Variants in FAM162B observed in about 807,000 individuals in gnomAD.
The protein encoded by FAM162B is protein FAM162B.
Under a neutral mutation model 20.0 loss-of-function variants are expected in FAM162B, and 16 were observed. The ratio of observed to expected loss-of-function variants is 0.80; its 90% CI spans 0.54 to 1.21. The LOEUF (loss-of-function observed/expected upper bound fraction) is 1.21. Ranked by LOEUF, FAM162B falls within the 50% of genes most tolerant of loss-of-function variation. The pLI, the probability that FAM162B is intolerant of heterozygous loss-of-function variation, is 0.00. For synonymous variants in FAM162B, 83 were observed against 89.7 expected, an observed-to-expected ratio of 0.93 and a Z score of 0.42; for missense variants, 260 against 227.5, an observed-to-expected ratio of 1.14 and a Z score of -0.92.
intron 3 of FAM162B, among the ~76,000 whole-genome samples, chr6:116,761,716 G>A (rs1288660444): frequency 7.3e-6 from 1 of 137,086 alleles, no homozygotes; most frequent in Non-Finnish European, 1.6e-5. Context: ...ATATATACTT[G>A]TATATATACT....
chr6:116,764,691 C>CT (rs1383902118), intron 2 of FAM162B, among the ~76,000 whole-genome samples: 2 of 152,070 alleles, frequency 1.3e-5, no homozygotes, highest in Non-Finnish European at 2.9e-5. Context: ...TCCAGAGACC[C>CT]CCCCGCCACA....
chr6:116,765,188 T>A lies in FAM162B; in HGVS notation c.240A>T (p.Thr80=). The change falls in exon 2 of 4, where the codon ACA becomes ACT. Residue 80 remains threonine (T), a synonymous_variant. Coordinates refer to ENST00000368557, the MANE Select transcript of FAM162B (RefSeq NM_001085480.3). The stretch of plus-strand genomic sequence containing the variant: ...TCTCCTCCATCGATTTGAAACGCCC[T>A]GTCCACAGCAGGATTTTCTTGTCGA... ...SQFDKKILLW[T]GRFKSMEEIP... is the part of the protein sequence containing the mutation. 1 of 1,613,930 alleles carries A rather than the reference T, an allele frequency of 6.2e-7. No homozygotes were observed. The highest frequency in any genetic ancestry group is 1.1e-5 in the South Asian group (1 of 91,088).
At chr6:116,752,739 CACG>C (rs769016195) in intron 3 of FAM162B, 44 bp from the exon 4 acceptor site, 2 of 495,124 alleles carry the variant, frequency 4.0e-6, no homozygotes, top group East Asian at 1.1e-4. Context: ...TATATAGATA[CACG>C]TATATATATA....
chr6:116,755,571 T>C (rs540502799), intron 3 of FAM162B, among the ~76,000 whole-genome samples: 2 of 152,336 alleles, frequency 1.3e-5, no homozygotes, highest in African/African-American at 4.8e-5. Flanking sequence ...CTAATTTTGT[T>C]GATGAAGTCT....
intron 3 of FAM162B, among the ~76,000 whole-genome samples, chr6:116,754,165 T>C (rs1049544426): frequency 2.0e-5 from 3 of 152,190 alleles, no homozygotes; most frequent in Non-Finnish European, 2.9e-5. Context: ...CTGGCTACTA[T>C]GTGCCAGAAT....
intron 3 of FAM162B, among the ~76,000 whole-genome samples, chr6:116,756,131 T>C (rs1162213714): frequency 6.6e-6 from 1 of 152,188 alleles, no homozygotes; most frequent in Non-Finnish European, 1.5e-5. Flanking sequence ...ATTCCTCTGA[T>C]GGATCTGAGC....
intron 3 of FAM162B, among the ~76,000 whole-genome samples, chr6:116,761,636 A>T (rs371497268): frequency 3.8e-5 from 4 of 106,204 alleles, no homozygotes; most frequent in Admixed American, 1.0e-4. Context: ...ATATATATAC[A>T]TATATATACA....
chr6:116,764,638 G>C (rs559817023), intron 2 of FAM162B, among the ~76,000 whole-genome samples: 7 of 152,108 alleles, frequency 4.6e-5, no homozygotes, highest in African/African-American at 1.4e-4. Context: ...TCCGCCAGGC[G>C]TCTCCTGCCC....
In FAM162B at chr6:116,765,549, G is replaced by T. The variant is rs1354474475; in HGVS notation, c.28C>A (p.Arg10Ser). The T allele has an allele frequency of 2.2e-6, 3 of 1,384,806 alleles. No individual in the cohort carries two copies. Among genetic ancestry groups the T allele is most frequent in the Non-Finnish European group, 2.8e-6 (3 of 1,078,106 alleles). 85.8% of individuals were successfully genotyped at this position (1,384,806 alleles called of 1,614,324 possible). A position where few individuals can be genotyped will look rare whatever the true frequency, so the allele number is the denominator to read the frequency against. MLRAVGSLL[R>S]LGRGLTVRCG... is the part of the protein sequence containing the mutation. ...CGGACTGTTAGCCCGCGGCCAAGGC[G>T]CAGTAGGCTCCCGACCGCCCTGAGC... Residue 10 changes from arginine (R) to serine (S), a missense_variant, in exon 1 of 4, where the codon CGC becomes AGC. Physicochemically the swap from Arg to Ser is moderately radical, Grantham distance 110. Transcript: ENST00000368557.
rs1344441660 is a variant in FAM162B at position 116,765,436 on chromosome 6, C to T, written c.141G>A (p.Gly47=). The change falls in exon 1 of 4, where the codon GGG becomes GGA. Residue 47 remains glycine, a synonymous_variant. Coordinates refer to ENST00000368557, the MANE Select transcript of FAM162B (RefSeq NM_001085480.3). ...PRGLPCYSSG[G]APSNSGPQGH... is the part of the protein sequence containing the mutation. ...CTTGGGGCCCAGAATTGCTGGGGGCCCCGCCGCTGGAGTAGCAGGGGAGAC... is the reference window on the plus strand; with the variant it reads ...CTTGGGGCCCAGAATTGCTGGGGGCTCCGCCGCTGGAGTAGCAGGGGAGAC... The T allele has an allele frequency of 1.2e-5, 18 of 1,447,844 alleles. No homozygotes were observed. The highest frequency in any genetic ancestry group is 1.5e-5 in the Non-Finnish European group (17 of 1,099,864). The allele number at this position is 1,447,844 out of a possible 1,614,324, so 89.7% of individuals were successfully genotyped here. A position where few individuals can be genotyped will look rare whatever the true frequency, so the allele number is the denominator to read the frequency against.
intron 2 of FAM162B, 109 bp from the exon 3 acceptor site, chr6:116,762,194 A>G (rs561747953): frequency 1.2e-6 from 1 of 814,848 alleles, no homozygotes; most frequent in African/African-American, 1.7e-5. Context: ...CTGAATGCAA[A>G]CTGCATTTGG....
intron 3 of FAM162B, among the ~76,000 whole-genome samples, chr6:116,759,394 T>C (rs1228182072): frequency 2.2e-5 from 3 of 134,568 alleles, no homozygotes; most frequent in Admixed American, 2.2e-4. Flanking sequence ...CTCCACCTCC[T>C]GGGTTCACGC....
chr6:116,761,971 A>G lies in FAM162B; in HGVS notation c.390+6T>C. ...AACTGACTTGCCCTTTTAAGGAGAT[A>G]CTCACCCTTTTGGCTGACACTATCA... On this transcript the variant is annotated splice_donor_region_variant and intron_variant, in intron 3 of 3. Coordinates refer to ENST00000368557, the MANE Select transcript of FAM162B (RefSeq NM_001085480.3). The G allele has an allele frequency of 1.3e-6, 2 of 1,581,802 alleles. No homozygotes were observed. The highest frequency in any genetic ancestry group is 1.1e-5 in the South Asian group (1 of 87,776).
At position 116,765,532 on chromosome 6, in the gene FAM162B, T is replaced by C. The variant is rs952739610; in HGVS notation, c.45A>G (p.Leu15=). ...GCGCCCCGGGGCCGCAGCGGACTGT[T>C]AGCCCGCGGCCAAGGCGCAGTAGGC... ...VGSLLRLGRG[L]TVRCGPGAPL... Residue 15 remains leucine (L), a synonymous_variant, in exon 1 of 4, where the codon CTA becomes CTG. Transcript: ENST00000368557. 7.2e-7 allele frequency: 1 copy of C among 1,390,720 alleles called. No individual in the cohort carries two copies. The highest frequency in any genetic ancestry group is 1.5e-5 in the African/African-American group (1 of 65,584). The allele number at this position is 1,390,720 out of a possible 1,614,324, so 86.1% of individuals were successfully genotyped here. A position where few individuals can be genotyped will look rare whatever the true frequency, so the allele number is the denominator to read the frequency against.
intron 3 of FAM162B, among the ~76,000 whole-genome samples, chr6:116,755,095 A>T (rs953334919): frequency 2.0e-5 from 3 of 152,210 alleles, no homozygotes; most frequent in African/African-American, 7.2e-5. Flanking sequence ...TTCAAGTAAA[A>T]GGAAGGGTTG....
Position 116,752,305 on chromosome 6 carries a change from G to A in FAM162B, c.*292C>T, listed in dbSNP as rs780566148. ...GGGAGGTAATGGCTGAGAAAAGGCA[G>A]GAATGAGGCTGTGAAGTGTTGCCAA... is the stretch of plus-strand genomic sequence containing the variant. On this transcript the variant is annotated 3_prime_UTR_variant, in exon 4 of 4. Transcript: ENST00000368557. 9 of 158,420 alleles carry A rather than the reference G, an allele frequency of 5.7e-5. No individual in the cohort carries two copies. Among genetic ancestry groups the A allele is most frequent in the Non-Finnish European group, 1.2e-4 (9 of 72,322 alleles). The allele number at this position is 158,420 out of a possible 1,614,324, so 9.8% of individuals were successfully genotyped here.
intron 3 of FAM162B, among the ~76,000 whole-genome samples, chr6:116,754,415 C>T (rs775353943): frequency 1.3e-5 from 2 of 152,134 alleles, no homozygotes; most frequent in African/African-American, 2.4e-5. Context: ...AGCATTGAAA[C>T]GTTGTGTCAA....
intron 3 of FAM162B, among the ~76,000 whole-genome samples, 175 bp from the exon 4 acceptor site, chr6:116,752,870 T>C (rs1043077807): frequency 6.6e-6 from 1 of 151,458 alleles, no homozygotes; most frequent in Non-Finnish European, 1.5e-5. Context: ...ATGTTAATAA[T>C]GGGAAGAGAG....
intron 1 of FAM162B, 65 bp downstream of exon 1, chr6:116,765,340 G>A (rs1428040528): frequency 2.6e-6 from 4 of 1,537,626 alleles, no homozygotes; most frequent in East Asian, 2.4e-5. Context: ...CTCCCGGGCC[G>A]GCCCCTCGCT....
Sources: allele counts gnomAD v4.1 joint callset (sites outside exome capture counted in the v4.1 genomes callset), GRCh38; gene constraint gnomAD v4.1.1; transcripts MANE v1.5; gene names NCBI Gene and HGNC (gene_info 2026-07-23, HGNC 2026-07-21).